The following CTXND2 variants were observed in gnomAD, a reference collection of about 807,000 sequenced individuals.
CTXND2 encodes the protein cortexin domain containing 2.
chr1:150,913,021 T>G (rs1455907404), exon 2 of CTXND2: 1 of 152,212 alleles, frequency 6.6e-6, no homozygotes, highest in Non-Finnish European at 1.5e-5. Flanking sequence ...AATTTCCTCA[T>G]CTATAAAATA....
chr1:150,902,228 C>T (rs1205280099), intron 1 of CTXND2, among the ~76,000 whole-genome samples: 4 of 151,988 alleles, frequency 2.6e-5, no homozygotes, highest in Non-Finnish European at 4.4e-5. Flanking sequence ...AGTGAAACCC[C>T]GTCTCTACTA....
chr1:150,907,514 A>T (rs1197089108), intron 1 of CTXND2, among the ~76,000 whole-genome samples: 1 of 152,228 alleles, frequency 6.6e-6, no homozygotes, highest in African/African-American at 2.4e-5. Context: ...GGCCAATAAT[A>T]GTCTATTGTG....
chr1:150,905,042 C>T lies in CTXND2; in HGVS notation c.-73-7200C>T, dbSNP rs147350599. Reference sequence around the variant, plus strand: ...TTTAAAATTATGTGTGATCATAAGACAAGATAATCAAAAAGAAAACCACAC... The same window carrying T: ...TTTAAAATTATGTGTGATCATAAGATAAGATAATCAAAAAGAAAACCACAC... On this transcript the variant is annotated intron_variant, in intron 1 of 1. Transcript: ENST00000636087. Among the ~76,000 whole-genome samples, 38 of 127,412 alleles carry T rather than the reference C, an allele frequency of 3.0e-4. No homozygotes were observed. The East Asian group carries it at 8.7e-3, about 29-fold the overall frequency. The allele number at this position is 127,412 out of a possible 152,430, so 83.6% of individuals were successfully genotyped here. A position where few individuals can be genotyped will look rare whatever the true frequency, so the allele number is the denominator to read the frequency against.
At chr1:150,900,424 G>A (rs1348707708) in intron 1 of CTXND2, among the ~76,000 whole-genome samples, 1 of 152,232 alleles carries the variant, frequency 6.6e-6, no homozygotes, top group African/African-American at 2.4e-5. Context: ...CCATCTTTAA[G>A]AACTGTAACA....
At chr1:150,900,092 C>T (rs778050646) in intron 1 of CTXND2, among the ~76,000 whole-genome samples, 8 of 152,138 alleles carry the variant, frequency 5.3e-5, no homozygotes, top group South Asian at 2.1e-4. Context: ...AGCAGCAACC[C>T]GTTCGGGTCC....
chr1:150,901,581 T>C (rs587658085), intron 1 of CTXND2, among the ~76,000 whole-genome samples: 1 of 152,290 alleles, frequency 6.6e-6, no homozygotes, highest in Non-Finnish European at 1.5e-5. Context: ...AGTCTAGAAA[T>C]GTATCTGTGA....
chr1:150,892,321 GC>G, intron 1 of CTXND2, among the ~76,000 whole-genome samples: 1 of 152,088 alleles, frequency 6.6e-6, no homozygotes, highest in Middle Eastern at 3.4e-3. Context: ...AATAGTTCAT[GC>G]TTTTCCTGTG....
intron 1 of CTXND2, chr1:150,904,036 C>T: frequency 1.5e-6 from 1 of 655,256 alleles, no homozygotes; most frequent in South Asian, 1.4e-5. Flanking sequence ...CTGTTGGATT[C>T]TCTTACACAG....
intron 1 of CTXND2, among the ~76,000 whole-genome samples, chr1:150,900,254 C>T (rs867509606): frequency 1.3e-5 from 2 of 151,840 alleles, no homozygotes; most frequent in African/African-American, 4.8e-5. Context: ...ACGAACCCAC[C>T]GAGAGGAACG....
intron 1 of CTXND2, chr1:150,903,976 C>G: frequency 3.1e-6 from 2 of 645,902 alleles, no homozygotes; most frequent in Admixed American, 3.6e-5. Flanking sequence ...GAGGCAAGCA[C>G]AAGACTGGGC....
intron 1 of CTXND2, among the ~76,000 whole-genome samples, chr1:150,893,175 A>G (rs1668874181): frequency 6.6e-6 from 1 of 152,118 alleles, no homozygotes; most frequent in Non-Finnish European, 1.5e-5. Flanking sequence ...TGTTGCTGGT[A>G]TTTAGAAATA....
intron 1 of CTXND2, among the ~76,000 whole-genome samples, chr1:150,898,576 C>A (rs1473931998): frequency 6.8e-6 from 1 of 147,916 alleles, no homozygotes; most frequent in African/African-American, 2.5e-5. Context: ...GCCAACATGG[C>A]AAAACCCTGT....
chr1:150,902,816 A>C lies in CTXND2; in HGVS notation c.-73-9426A>C, dbSNP rs1363389947. Among the ~76,000 whole-genome samples the C allele has an allele frequency of 2.0e-5, 3 of 152,086 alleles. No homozygotes were observed. In the South Asian group the frequency reaches 6.2e-4, roughly 32 times the overall value. On this transcript the variant is annotated intron_variant, in intron 1 of 1. Coordinates refer to ENST00000636087, the Ensembl canonical transcript of CTXND2. ...CACTATGTCCCATAAACTGCAGGGAACATATATCAAGCTTGAAGGGAAAGT... is the reference window on the plus strand; with the variant it reads ...CACTATGTCCCATAAACTGCAGGGACCATATATCAAGCTTGAAGGGAAAGT...
At chr1:150,897,876 C>A (rs1290804814) in intron 1 of CTXND2, among the ~76,000 whole-genome samples, 1 of 152,184 alleles carries the variant, frequency 6.6e-6, no homozygotes, top group Non-Finnish European at 1.5e-5. Context: ...AACTTCCTTG[C>A]AATTCTCTGG....
intron 1 of CTXND2, among the ~76,000 whole-genome samples, chr1:150,911,479 AG>A (rs1669256934): frequency 1.3e-5 from 2 of 150,370 alleles, no homozygotes; most frequent in South Asian, 4.2e-4. Flanking sequence ...TCTGTTGCGC[AG>A]GCTGGAGTGC....
At chr1:150,903,965 G>A in intron 1 of CTXND2, 1 of 648,126 alleles carries the variant, frequency 1.5e-6, no homozygotes, top group Non-Finnish European at 2.9e-6. Context: ...CGTGGAAAAG[G>A]GAGGCAAGCA....
chr1:150,900,165 C>T (rs587772230), intron 1 of CTXND2, among the ~76,000 whole-genome samples: 75 of 152,262 alleles, frequency 4.9e-4, no homozygotes, highest in African/African-American at 1.8e-3. Context: ...GCTGCTCAGT[C>T]TTTGGGTCTG....
intron 1 of CTXND2, among the ~76,000 whole-genome samples, chr1:150,908,656 T>C (rs1219361066): frequency 6.6e-6 from 1 of 151,938 alleles, no homozygotes; most frequent in Non-Finnish European, 1.5e-5. Flanking sequence ...CAGGTCTCTC[T>C]CCGTCACCCA....
intron 1 of CTXND2, among the ~76,000 whole-genome samples, chr1:150,909,011 G>A (rs1669201298): frequency 5.3e-5 from 8 of 151,874 alleles, no homozygotes; most frequent in Admixed American, 5.2e-4. Flanking sequence ...AGGCCAAGGG[G>A]GGCAGATCAC....
Sources: gnomAD v4.1 joint callset for allele counts (sites outside exome capture counted in the v4.1 genomes callset) on GRCh38, gnomAD v4.1.1 for gene constraint, MANE v1.5 for transcripts, NCBI Gene and HGNC (gene_info 2026-07-23, HGNC 2026-07-21) for gene names.